The following SV2C variants were observed in gnomAD, a reference collection of about 807,000 sequenced individuals.
SV2C encodes the protein synaptic vesicle glycoprotein 2C.
In SV2C, 49 loss-of-function variants were observed where a neutral mutation model predicts 79.7. That is an observed-to-expected ratio of 0.61 (90% CI 0.49 to 0.78). SV2C has a LOEUF of 0.78. SV2C is among the 30% of genes least tolerant of loss of function. The pLI, the probability that SV2C is intolerant of heterozygous loss-of-function variation, is 0.00. For missense variants in SV2C, 833 were observed against 912.9 expected, an observed-to-expected ratio of 0.91 and a Z score of 1.13; for synonymous variants, 334 against 333.2, an observed-to-expected ratio of 1.00 and a Z score of -0.03.
intron 1 of SV2C, among the ~76,000 whole-genome samples, chr5:76,113,167 A>T (rs1029421400): frequency 2.0e-5 from 3 of 152,272 alleles, no homozygotes; most frequent in Admixed American, 6.5e-5. Context: ...GCCCTTAATC[A>T]GTGAATACCT....
chr5:76,078,262 C>A, the SV2C span, among the ~76,000 whole-genome samples: 1 of 152,126 alleles, frequency 6.6e-6, no homozygotes, highest in South Asian at 2.1e-4. Flanking sequence ...GGAGAGCAGC[C>A]TCTTAGGAGG....
At chr5:75,946,363 C>T in the SV2C span, among the ~76,000 whole-genome samples, 100 of 152,140 alleles carry the variant, frequency 6.6e-4, no homozygotes, top group African/African-American at 2.3e-3. Context: ...GCATTTTTGT[C>T]AAAAATCATT....
the SV2C span, among the ~76,000 whole-genome samples, chr5:75,887,264 T>A: frequency 6.6e-6 from 1 of 152,028 alleles, no homozygotes; most frequent in Non-Finnish European, 1.5e-5. Flanking sequence ...TACGATACAT[T>A]GTTGTTAGCT....
intron 9 of SV2C, among the ~76,000 whole-genome samples, chr5:76,297,644 G>A (rs866387151): frequency 1.4e-4 from 21 of 152,182 alleles, no homozygotes; most frequent in Non-Finnish European, 2.2e-4. Context: ...GGATTGAAAC[G>A]AGATCATTAT....
chr5:76,338,888 C>A (rs1394882121), downstream of SV2C, among the ~76,000 whole-genome samples: 2 of 151,974 alleles, frequency 1.3e-5, no homozygotes, highest in African/African-American at 4.8e-5. Flanking sequence ...AACTCCTGAC[C>A]TCAGGTGATC....
chr5:76,144,150 T>C (rs867867143), intron 2 of SV2C, among the ~76,000 whole-genome samples: 1 of 152,192 alleles, frequency 6.6e-6, no homozygotes, highest in African/African-American at 2.4e-5. Flanking sequence ...GTGTGTTTGA[T>C]ACAATTAAAA....
At position 76,131,961 on chromosome 5, in the gene SV2C, G is replaced by A. The variant is rs761310792; in HGVS notation, c.211G>A (p.Asp71Asn). ...AGETYNGEAN[D>N]DEGSSEATEG... ...AGAAACCTATAATGGTGAGGCCAACGATGACGAAGGCTCAAGTGAAGCCAC... is the reference window on the plus strand; with the variant it reads ...AGAAACCTATAATGGTGAGGCCAACAATGACGAAGGCTCAAGTGAAGCCAC... The change falls in exon 2 of 13, where the codon GAT (aspartate) becomes AAT (asparagine). Residue 71 changes from aspartate to asparagine, a missense_variant. Asp to Asn is a conservative substitution (Grantham distance 23, BLOSUM62 1). Coordinates refer to ENST00000502798, the MANE Select transcript of SV2C (RefSeq NM_014979.4). 8 of 1,613,696 alleles carry A rather than the reference G, an allele frequency of 5.0e-6. No individual in the cohort carries two copies. Among genetic ancestry groups the A allele is most frequent in the East Asian group, 2.2e-5 (1 of 44,850 alleles).
At chr5:76,056,528 C>T in the SV2C span, among the ~76,000 whole-genome samples, 1 of 151,844 alleles carries the variant, frequency 6.6e-6, no homozygotes, top group Non-Finnish European at 1.5e-5. Flanking sequence ...GTAGGAGTCC[C>T]TCCTCTTCAA....
the SV2C span, among the ~76,000 whole-genome samples, chr5:76,048,965 G>GAGAAAGAAAAGAAAGAA: frequency 1.7e-5 from 1 of 58,164 alleles, no homozygotes. Context: ...GAAAGAAAAA[G>GAGAAAGAAAAGAAAGAA]AGAAAGAAAG....
At chr5:76,272,776 G>A (rs1253679897) in intron 4 of SV2C, among the ~76,000 whole-genome samples, 7 of 152,126 alleles carry the variant, frequency 4.6e-5, no homozygotes, top group African/African-American at 1.7e-4. Flanking sequence ...TCTACCCAAT[G>A]TAAGAATTGC....
At chr5:76,334,071 G>C (rs1749260760), downstream of SV2C, 2 of 152,046 alleles carry the variant, frequency 1.3e-5, no homozygotes, top group African/African-American at 4.8e-5. Context: ...AGGTTTATTT[G>C]AATTGTTTCT....
At chr5:76,044,170 C>T in the SV2C span, among the ~76,000 whole-genome samples, 1 of 152,156 alleles carries the variant, frequency 6.6e-6, no homozygotes, top group Non-Finnish European at 1.5e-5. Context: ...GTTTGTTTTT[C>T]TGTTCCTGCA....
intron 4 of SV2C, among the ~76,000 whole-genome samples, chr5:76,251,132 C>A (rs907615224): frequency 4.6e-5 from 7 of 152,108 alleles, no homozygotes; most frequent in African/African-American, 1.7e-4. Context: ...CATTATTATT[C>A]AAGTCACTCA....
At chr5:75,995,082 C>CT in the SV2C span, among the ~76,000 whole-genome samples, 37 of 151,858 alleles carry the variant, frequency 2.4e-4, no homozygotes, top group African/African-American at 8.2e-4. Flanking sequence ...TCTTCTCTGC[C>CT]TTTTTTTTTC....
Position 76,189,065 on chromosome 5 carries a change from C to T in SV2C, c.581-5854C>T, listed in dbSNP as rs141078655. On this transcript the variant is annotated intron_variant, in intron 2 of 12. Coordinates refer to ENST00000502798, the MANE Select transcript of SV2C (RefSeq NM_014979.4). Reference sequence around the variant, plus strand: ...GGCCAACTTTGCAGGACTGACTGACCCAACATCTAGCCCAAACCAAGCATT... The same window carrying T: ...GGCCAACTTTGCAGGACTGACTGACTCAACATCTAGCCCAAACCAAGCATT... 1.1e-3 allele frequency among the ~76,000 whole-genome samples: 171 copies of T among 152,134 alleles called. 1 individual carries two copies. Among genetic ancestry groups the T allele is most frequent in the Admixed American group, 2.0e-3 (31 of 15,276 alleles).
the SV2C span, among the ~76,000 whole-genome samples, chr5:75,882,178 T>G: frequency 1.3e-5 from 2 of 150,940 alleles, no homozygotes; most frequent in Non-Finnish European, 2.9e-5. Flanking sequence ...AGCTTTTTGA[T>G]GTGCTGCTGG....
intron 12 of SV2C, among the ~76,000 whole-genome samples, chr5:76,347,455 G>GTTGTT (rs10629094): frequency 0.53 from 79,951 of 151,198 alleles, 23,241 homozygotes; most frequent in African/African-American, 0.78. Flanking sequence ...TTTTTTTGTT[G>GTTGTT]TTGTTTTGAG....
chr5:75,890,356 G>A, the SV2C span, among the ~76,000 whole-genome samples: 1 of 152,094 alleles, frequency 6.6e-6, no homozygotes, highest in Non-Finnish European at 1.5e-5. Context: ...ACAGGATAGT[G>A]TGTCAATCAC....
chr5:76,222,783 C>T (rs565389795), intron 4 of SV2C, among the ~76,000 whole-genome samples: 1 of 152,236 alleles, frequency 6.6e-6, no homozygotes, highest in Admixed American at 6.5e-5. Context: ...GGCAGTCTTA[C>T]ATATATTATC....
Sources: gnomAD v4.1 joint callset for allele counts (sites outside exome capture counted in the v4.1 genomes callset) on GRCh38, gnomAD v4.1.1 for gene constraint, MANE v1.5 for transcripts, NCBI Gene and HGNC (gene_info 2026-07-23, HGNC 2026-07-21) for gene names.